The following DACH2 variants were observed in gnomAD, a reference collection of about 807,000 sequenced individuals.
DACH2 encodes dachshund homolog 2.
In DACH2, 17 loss-of-function variants were observed where a neutral mutation model predicts 35.8. The observed-to-expected ratio is 0.48, with a 90% CI of 0.33 to 0.71. The LOEUF (loss-of-function observed/expected upper bound fraction) is 0.71. Among genes scored for constraint, DACH2 ranks in the 30% least tolerant of loss-of-function variants. DACH2 has a pLI of 0.02. For missense variants in DACH2, 469 were observed against 472.7 expected, an observed-to-expected ratio of 0.99 and a Z score of 0.07; for synonymous variants, 195 against 177.3, an observed-to-expected ratio of 1.10 and a Z score of -0.79.
rs183943374 is a variant in DACH2 at position 86,467,722 on chromosome X, G to T, written c.528-46557G>T. 3.6e-5 allele frequency among the ~76,000 whole-genome samples: 4 copies of T among 111,683 alleles called. No homozygotes were observed. The Admixed American group carries it at 3.8e-4, about 11-fold the overall frequency. On this transcript the variant is annotated intron_variant, in intron 2 of 11. Transcript: ENST00000373125. ...CCTGAGTAATTTATAAAGGAAAGCG[G>T]TTTAATTGACTCACAGTTCCACAGG...
chrX:86,175,819 C>T (rs2031284664), intron 1 of DACH2, among the ~76,000 whole-genome samples: 1 of 110,874 alleles, frequency 9.0e-6, no homozygotes, highest in South Asian at 3.8e-4. Flanking sequence ...CTAATTGTTT[C>T]AATTTTCTCA....
intron 1 of DACH2, among the ~76,000 whole-genome samples, chrX:86,332,207 G>C (rs1421326363): frequency 1.8e-5 from 2 of 111,155 alleles, no homozygotes; most frequent in Admixed American, 9.6e-5. Flanking sequence ...TTAGTGGTCG[G>C]AGCTATTTAT....
intron 1 of DACH2, among the ~76,000 whole-genome samples, chrX:86,167,263 G>A (rs780331620): frequency 9.0e-6 from 1 of 110,853 alleles, no homozygotes; most frequent in South Asian, 3.7e-4. Context: ...TCAGGTTTTG[G>A]ATTTCTTTCT....
intron 1 of DACH2, among the ~76,000 whole-genome samples, chrX:86,278,062 G>C (rs1490257916): frequency 9.0e-6 from 1 of 111,266 alleles, no homozygotes; most frequent in Admixed American, 9.6e-5. Context: ...ACTTCCCAAA[G>C]CCAAACTTGC....
intron 2 of DACH2, among the ~76,000 whole-genome samples, chrX:86,508,696 T>C (rs1028625493): frequency 1.8e-5 from 2 of 112,234 alleles, no homozygotes; most frequent in African/African-American, 6.5e-5. Context: ...TTGTTAATTA[T>C]ATGAAGGTCT....
intron 1 of DACH2, among the ~76,000 whole-genome samples, chrX:86,280,841 A>G (rs768047028): frequency 1.2e-4 from 13 of 111,987 alleles, no homozygotes; most frequent in Non-Finnish European, 2.4e-4. Context: ...ACAAAGATCA[A>G]AAGAGACAAA....
chrX:86,518,136 A>G (rs750969397), intron 3 of DACH2, among the ~76,000 whole-genome samples: 24 of 112,337 alleles, frequency 2.1e-4, no homozygotes, highest in Non-Finnish European at 3.6e-4. Context: ...TCAAAGTGCC[A>G]TTTATTGAAT....
At chrX:86,259,929 C>T (rs757486456) in intron 1 of DACH2, among the ~76,000 whole-genome samples, 1 of 110,936 alleles carries the variant, frequency 9.0e-6, no homozygotes. Flanking sequence ...ACATAGACTG[C>T]AATAAGGAGA....
intron 3 of DACH2, among the ~76,000 whole-genome samples, chrX:86,626,557 G>A (rs1023185460): frequency 8.8e-6 from 1 of 113,030 alleles, no homozygotes; most frequent in African/African-American, 3.2e-5. Flanking sequence ...CACTGCCCTA[G>A]TAGTACATGT....
chrX:86,494,277 G>A (rs770030278), intron 2 of DACH2, among the ~76,000 whole-genome samples: 1 of 112,117 alleles, frequency 8.9e-6, no homozygotes, highest in African/African-American at 3.2e-5. Context: ...TTGTTTTTAA[G>A]GACTGCTCTT....
At chrX:86,825,262 C>CA (rs1410410664) in intron 11 of DACH2, among the ~76,000 whole-genome samples, 1 of 109,788 alleles carries the variant, frequency 9.1e-6, no homozygotes, top group Non-Finnish European at 1.9e-5. Flanking sequence ...ACTAAAAATA[C>CA]AAAAAATAGC....
intron 1 of DACH2, among the ~76,000 whole-genome samples, chrX:86,190,130 C>T (rs1348021257): frequency 9.2e-6 from 1 of 108,737 alleles, no homozygotes; most frequent in African/African-American, 3.4e-5. Context: ...TGCCACTGCA[C>T]TCCAGCCTGG....
intron 1 of DACH2, among the ~76,000 whole-genome samples, chrX:86,255,540 G>A (rs6524608): frequency 0.42 from 46,041 of 110,012 alleles, 7,009 homozygotes; most frequent in South Asian, 0.75. Context: ...CTAACTAGGC[G>A]ATATTAGGCA....
intron 2 of DACH2, among the ~76,000 whole-genome samples, chrX:86,418,756 C>T (rs1403137282): frequency 1.8e-5 from 2 of 111,827 alleles, no homozygotes; most frequent in Non-Finnish European, 3.8e-5. Context: ...ACATTTGGCT[C>T]CTCATTACTT....
intron 1 of DACH2, among the ~76,000 whole-genome samples, chrX:86,295,407 C>A (rs6617211): frequency 0.17 from 18,552 of 111,434 alleles, 1,352 homozygotes; most frequent in South Asian, 0.35. Flanking sequence ...GAGCTGTAGA[C>A]CGCAGCTGTT....
intron 2 of DACH2, among the ~76,000 whole-genome samples, chrX:86,397,586 A>T (rs1473253412): frequency 2.7e-5 from 3 of 111,516 alleles, no homozygotes; most frequent in Non-Finnish European, 5.6e-5. Flanking sequence ...ATTTACTGAG[A>T]GTGTTTAGCA....
chrX:86,730,341 T>G (rs2041518898), intron 6 of DACH2, among the ~76,000 whole-genome samples: 1 of 112,413 alleles, frequency 8.9e-6, no homozygotes. Flanking sequence ...TCAGTTTTCC[T>G]TTCTGCAAAA....
intron 1 of DACH2, among the ~76,000 whole-genome samples, chrX:86,331,618 G>C (rs193088404): frequency 1.8e-5 from 2 of 111,607 alleles, no homozygotes; most frequent in African/African-American, 6.5e-5. Context: ...GCAGAAAAAT[G>C]TGCATATCAT....
intron 6 of DACH2, among the ~76,000 whole-genome samples, chrX:86,730,378 T>C (rs1363574932): frequency 8.9e-6 from 1 of 112,210 alleles, no homozygotes; most frequent in Non-Finnish European, 1.9e-5. Context: ...TATACTTTAC[T>C]TCTATATTTA....
Sources: gnomAD v4.1 joint callset for allele counts (sites outside exome capture counted in the v4.1 genomes callset) on GRCh38, gnomAD v4.1.1 for gene constraint, MANE v1.5 for transcripts, NCBI Gene and HGNC (gene_info 2026-07-23, HGNC 2026-07-21) for gene names.